The following CSMD3 variants were observed in gnomAD, a reference collection of about 807,000 sequenced individuals.
The protein encoded by CSMD3 is CUB and sushi domain-containing protein 3.
CSMD3 carries 177 observed loss-of-function variants against 435.2 expected under a neutral mutation model. The ratio of observed to expected loss-of-function variants is 0.41; its 90% CI spans 0.36 to 0.46. The LOEUF is 0.46. Among genes scored for constraint, CSMD3 ranks in the 20% least tolerant of loss-of-function variants. The pLI, the probability that CSMD3 is intolerant of heterozygous loss-of-function variation, is 0.34. For synonymous variants in CSMD3, 1,656 were observed against 1,520.5 expected, an observed-to-expected ratio of 1.09 and a Z score of -2.07; for missense variants, 4,265 against 4,504.6, an observed-to-expected ratio of 0.95 and a Z score of 1.52.
At chr8:113,134,477 C>T (rs1403839369) in intron 4 of CSMD3, among the ~76,000 whole-genome samples, 1 of 151,966 alleles carries the variant, frequency 6.6e-6, no homozygotes, top group Non-Finnish European at 1.5e-5. Flanking sequence ...TGGAAACACA[C>T]AGTCGAAGGA....
chr8:112,454,501 C>G (rs1816624087), intron 32 of CSMD3, among the ~76,000 whole-genome samples: 1 of 152,120 alleles, frequency 6.6e-6, no homozygotes, highest in Non-Finnish European at 1.5e-5. Context: ...CTCAACACCA[C>G]TAGTCATCAG....
chr8:112,946,926 C>T (rs551041131), intron 9 of CSMD3, among the ~76,000 whole-genome samples: 1 of 151,626 alleles, frequency 6.6e-6, no homozygotes, highest in South Asian at 2.1e-4. Context: ...ATTCTAAGAA[C>T]TATTTTTTTC....
At chr8:112,830,758 A>C (rs1470943431) in intron 11 of CSMD3, among the ~76,000 whole-genome samples, 1 of 150,024 alleles carries the variant, frequency 6.7e-6, no homozygotes, top group Non-Finnish European at 1.5e-5. Flanking sequence ...AGGAATTTAT[A>C]TCTTGGCTTT....
At chr8:113,168,533 A>AAAAAAAAC (rs2092203838) in intron 4 of CSMD3, among the ~76,000 whole-genome samples, 1 of 149,180 alleles carries the variant, frequency 6.7e-6, no homozygotes, top group Non-Finnish European at 1.5e-5. Context: ...AAAAAAAAAA[A>AAAAAAAAC]AAAAAAAAAA....
intron 2 of CSMD3, among the ~76,000 whole-genome samples, chr8:113,282,497 A>T (rs1046834805): frequency 2.6e-5 from 4 of 152,050 alleles, no homozygotes; most frequent in African/African-American, 4.8e-5. Context: ...CTGCAAAAAA[A>T]AATTAAAATA....
chr8:112,513,719 A>T (rs1248769769), intron 28 of CSMD3, among the ~76,000 whole-genome samples: 1 of 152,208 alleles, frequency 6.6e-6, no homozygotes, highest in Non-Finnish European at 1.5e-5. Context: ...GTGGCATGCA[A>T]TAAAGTGAAC....
intron 31 of CSMD3, among the ~76,000 whole-genome samples, chr8:112,486,734 A>T (rs1820172609): frequency 6.6e-6 from 1 of 152,192 alleles, no homozygotes. Context: ...AGCCACCCTG[A>T]TCTCTCTTCA....
chr8:113,324,689 A>G (rs1470070476), intron 1 of CSMD3, among the ~76,000 whole-genome samples: 1 of 152,174 alleles, frequency 6.6e-6, no homozygotes, highest in Non-Finnish European at 1.5e-5. Context: ...CTACTGGGGC[A>G]CCACCTACTG....
intron 13 of CSMD3, among the ~76,000 whole-genome samples, chr8:112,770,996 GT>G (rs2078099670): frequency 6.6e-6 from 1 of 151,914 alleles, no homozygotes; most frequent in African/African-American, 2.4e-5. Flanking sequence ...GTGGTTGCCT[GT>G]TTCCAAATTT....
At chr8:112,528,172 T>C (rs1226719982) in intron 27 of CSMD3, among the ~76,000 whole-genome samples, 1 of 152,150 alleles carries the variant, frequency 6.6e-6, no homozygotes, top group African/African-American at 2.4e-5. Flanking sequence ...GTAATTAGTG[T>C]GCAGATATTA....
intron 1 of CSMD3, among the ~76,000 whole-genome samples, chr8:113,342,380 G>A (rs1256976086): frequency 6.6e-6 from 1 of 152,072 alleles, no homozygotes; most frequent in East Asian, 1.9e-4. Context: ...AATCCTGAAA[G>A]CTGAATTATT....
intron 10 of CSMD3, among the ~76,000 whole-genome samples, chr8:112,903,033 A>G (rs145169197): frequency 1.2e-4 from 18 of 150,724 alleles, no homozygotes; most frequent in African/African-American, 2.2e-4. Context: ...GTTGAGGCAT[A>G]TATCAGCCTA....
intron 32 of CSMD3, among the ~76,000 whole-genome samples, chr8:112,410,606 A>ATATATATATGTATATATATATG (rs1563912821): frequency 1.9e-5 from 1 of 53,086 alleles, no homozygotes; most frequent in Admixed American, 1.6e-4. Flanking sequence ...ATATATGTGT[A>ATATATATATGTATATATATATG]TATATATATG....
chr8:112,298,893 T>C (rs1326877399), intron 53 of CSMD3, among the ~76,000 whole-genome samples: 2 of 152,102 alleles, frequency 1.3e-5, no homozygotes, highest in Non-Finnish European at 2.9e-5. Context: ...AATGCGTATG[T>C]CCACAAAAAG....
rs1587775046 is a variant in CSMD3 at position 112,963,235 on chromosome 8, C to T, written c.1343-8474G>A. On this transcript the variant is annotated intron_variant, in intron 7 of 70. Coordinates refer to ENST00000297405, the MANE Select transcript of CSMD3 (RefSeq NM_198123.2). ...CTCACTTTCTTCCTTATCCCAACAA[C>T]GTGGGAATCGTAACAGCCCAGCTGC... Among the ~76,000 whole-genome samples the T allele has an allele frequency of 2.0e-5, 3 of 152,038 alleles. No homozygotes were observed. The South Asian group carries it at 6.2e-4, about 32-fold the overall frequency.
chr8:112,594,053 C>G (rs1831439105), intron 22 of CSMD3, among the ~76,000 whole-genome samples: 1 of 152,116 alleles, frequency 6.6e-6, no homozygotes, highest in South Asian at 2.1e-4. Context: ...GTCTACAGCT[C>G]CCAGTGTGAG....
intron 6 of CSMD3, among the ~76,000 whole-genome samples, chr8:113,004,825 A>G (rs531570524): frequency 1.2e-4 from 18 of 151,942 alleles, no homozygotes; most frequent in Admixed American, 3.3e-4. Flanking sequence ...AATGTTTAGT[A>G]AATTTTATTA....
At chr8:112,436,595 C>CA (rs1004858299) in intron 32 of CSMD3, among the ~76,000 whole-genome samples, 2 of 151,068 alleles carry the variant, frequency 1.3e-5, no homozygotes, top group African/African-American at 4.9e-5. Context: ...TATATGTATA[C>CA]AAAAAAGTGT....
chr8:112,817,480 T>C (rs1185386305), intron 12 of CSMD3, among the ~76,000 whole-genome samples: 1 of 152,086 alleles, frequency 6.6e-6, no homozygotes, highest in Non-Finnish European at 1.5e-5. Context: ...CTTTAAAAGA[T>C]TAAAATATTA....
Sources: gnomAD v4.1 joint callset for allele counts (sites outside exome capture counted in the v4.1 genomes callset) on GRCh38, gnomAD v4.1.1 for gene constraint, MANE v1.5 for transcripts, NCBI Gene and HGNC (gene_info 2026-07-23, HGNC 2026-07-21) for gene names.